The following TBC1D5 variants were observed in gnomAD, a reference collection of about 807,000 sequenced individuals.
TBC1D5 encodes the protein TBC1 domain family member 5, also known as TBC1 domain family, member 5.
Under a neutral mutation model 100.3 loss-of-function variants are expected in TBC1D5, and 75 were observed. The observed-to-expected ratio is 0.75, with a 90% CI of 0.62 to 0.91. The LOEUF (loss-of-function observed/expected upper bound fraction) is 0.91. Among genes scored for constraint, TBC1D5 ranks in the 40% least tolerant of loss-of-function variants. The pLI, the probability that TBC1D5 is intolerant of heterozygous loss-of-function variation, is 0.00. For synonymous variants in TBC1D5, 323 were observed against 325.6 expected (o/e 0.99, Z 0.09); for missense variants, 910 against 942.4 (o/e 0.97, Z 0.45).
chr3:17,421,135 A>T (rs1276683316), intron 4 of TBC1D5, among the ~76,000 whole-genome samples: 2 of 152,214 alleles, frequency 1.3e-5, no homozygotes, highest in Admixed American at 1.3e-4. Flanking sequence ...TAGTTCAGAG[A>T]GATTGTATAT....
chr3:17,246,859 C>T (rs972883452), intron 16 of TBC1D5, among the ~76,000 whole-genome samples: 1 of 152,172 alleles, frequency 6.6e-6, no homozygotes, highest in African/African-American at 2.4e-5. Context: ...CTGCCCAAAG[C>T]CTGTACCTTT....
At chr3:17,373,373 A>G (rs1225983266) in intron 12 of TBC1D5, among the ~76,000 whole-genome samples, 1 of 152,194 alleles carries the variant, frequency 6.6e-6, no homozygotes, top group Non-Finnish European at 1.5e-5. Context: ...GAAACAATAT[A>G]CCAAATTCTT....
chr3:17,564,863 C>G (rs927403728), intron 2 of TBC1D5, among the ~76,000 whole-genome samples: 3 of 151,780 alleles, frequency 2.0e-5, no homozygotes, highest in African/African-American at 7.3e-5. Flanking sequence ...CACAGTAGTA[C>G]CATGAGTGGG....
chr3:17,516,966 G>A (rs949004311), intron 2 of TBC1D5, among the ~76,000 whole-genome samples: 1 of 152,026 alleles, frequency 6.6e-6, no homozygotes, highest in Non-Finnish European at 1.5e-5. Context: ...CTCCTCTTCT[G>A]GGAACACTCT....
At chr3:17,369,125 A>T (rs964976962) in intron 13 of TBC1D5, among the ~76,000 whole-genome samples, 33 of 152,304 alleles carry the variant, frequency 2.2e-4, no homozygotes, top group Admixed American at 1.7e-3. Flanking sequence ...GATCATTTCT[A>T]AAAGTTTACT....
intron 15 of TBC1D5, among the ~76,000 whole-genome samples, chr3:17,280,366 G>A (rs1019888672): frequency 1.3e-5 from 2 of 152,086 alleles, no homozygotes; most frequent in Non-Finnish European, 2.9e-5. Flanking sequence ...CTTGAGCCTG[G>A]AGCTGTGGCC....
intron 3 of TBC1D5, among the ~76,000 whole-genome samples, chr3:17,507,513 TG>T (rs1188595067): frequency 1.3e-5 from 2 of 152,088 alleles, no homozygotes; most frequent in African/African-American, 4.8e-5. Flanking sequence ...CCACTTTAGG[TG>T]GGGGTCAATT....
chr3:17,364,879 G>A (rs983057089), intron 13 of TBC1D5, among the ~76,000 whole-genome samples: 4 of 152,124 alleles, frequency 2.6e-5, no homozygotes, highest in African/African-American at 7.2e-5. Context: ...TGCTTACAAC[G>A]TGCCAGGTAT....
At chr3:17,519,083 G>A (rs765805366) in intron 2 of TBC1D5, 3 of 152,284 alleles carry the variant, frequency 2.0e-5, no homozygotes, top group Non-Finnish European at 4.4e-5. Context: ...TCCTGCTTCA[G>A]AAAGAGCATT....
intron 1 of TBC1D5, among the ~76,000 whole-genome samples, chr3:17,630,436 A>G (rs189044984): frequency 1.3e-5 from 2 of 152,332 alleles, no homozygotes; most frequent in Admixed American, 1.3e-4. Context: ...CATATCTGCT[A>G]TGGTGAACTG....
intron 3 of TBC1D5, among the ~76,000 whole-genome samples, chr3:17,462,086 CT>C (rs2095221946): frequency 6.6e-6 from 1 of 151,956 alleles, no homozygotes; most frequent in African/African-American, 2.4e-5. Flanking sequence ...AAAAAATTTA[CT>C]TATTTTTCCT....
intron 2 of TBC1D5, among the ~76,000 whole-genome samples, chr3:17,535,916 T>C (rs1487118151): frequency 6.6e-6 from 1 of 152,138 alleles, no homozygotes; most frequent in Non-Finnish European, 1.5e-5. Context: ...ATTTTTAAAC[T>C]ACGTAAGTAG....
intron 2 of TBC1D5, among the ~76,000 whole-genome samples, chr3:17,593,647 T>C (rs1479763134): frequency 6.6e-6 from 1 of 152,188 alleles, no homozygotes; most frequent in Non-Finnish European, 1.5e-5. Context: ...CCTTATCCAC[T>C]GTCATGGTAT....
chr3:17,660,805 T>C (rs2066568904), intron 1 of TBC1D5, among the ~76,000 whole-genome samples: 1 of 152,220 alleles, frequency 6.6e-6, no homozygotes, highest in Admixed American at 6.5e-5. Flanking sequence ...GCAGACTATT[T>C]GGGAGTTTCT....
chr3:17,467,927 A>G (rs1223719889), intron 3 of TBC1D5, among the ~76,000 whole-genome samples: 1 of 152,088 alleles, frequency 6.6e-6, no homozygotes, highest in East Asian at 1.9e-4. Context: ...AAATATCTTC[A>G]TGTGTTTCCA....
chr3:17,322,669 A>C (rs1222037537), intron 13 of TBC1D5, among the ~76,000 whole-genome samples: 1 of 152,204 alleles, frequency 6.6e-6, no homozygotes, highest in Non-Finnish European at 1.5e-5. Context: ...TAAAGGAGGA[A>C]GCTATGCAGA....
chr3:17,688,639 G>C (rs1358771897), intron 1 of TBC1D5, among the ~76,000 whole-genome samples: 1 of 152,168 alleles, frequency 6.6e-6, no homozygotes. Context: ...CAACTTCTCT[G>C]TGCCCAACTT....
chr3:17,409,895 A>G (rs913081383), intron 4 of TBC1D5, among the ~76,000 whole-genome samples: 26 of 152,322 alleles, frequency 1.7e-4, no homozygotes, highest in Admixed American at 1.3e-3. Context: ...AGTGAAGCAG[A>G]AAGTGCTGAT....
At chr3:17,485,332 T>TTTATTATTATTATTA (rs10663489) in intron 3 of TBC1D5, among the ~76,000 whole-genome samples, 5 of 149,710 alleles carry the variant, frequency 3.3e-5, no homozygotes, top group African/African-American at 1.2e-4. Flanking sequence ...GCCAATATTC[T>TTTATTATTATTATTA]TTATTATTAT....
Sources: gnomAD v4.1 joint callset for allele counts (sites outside exome capture counted in the v4.1 genomes callset) on GRCh38, gnomAD v4.1.1 for gene constraint, MANE v1.5 for transcripts, NCBI Gene and HGNC (gene_info 2026-07-23, HGNC 2026-07-21) for gene names.